The following ARL17B variants were observed in gnomAD, a reference collection of about 807,000 sequenced individuals.
The protein encoded by ARL17B is ARF like GTPase 17B.
chr17:46,283,667 G>A (rs528795571), intron 4 of ARL17B, among the ~76,000 whole-genome samples: 112 of 152,320 alleles, frequency 7.4e-4, no homozygotes, highest in African/African-American at 2.6e-3. Flanking sequence ...TAAGTGGAAC[G>A]AGAGACTTGG....
chr17:46,275,977 G>A (rs55705096), intron 4 of ARL17B, among the ~76,000 whole-genome samples: 18,484 of 151,494 alleles, frequency 0.12, 1 homozygote, highest in Non-Finnish European at 0.18. Context: ...TGCAACCTCT[G>A]CCTCCCAGAT....
At chr17:46,350,677 G>T (rs527344316) in intron 3 of ARL17B, among the ~76,000 whole-genome samples, 91 of 81,634 alleles carry the variant, frequency 1.1e-3, no homozygotes, top group Non-Finnish European at 1.9e-3. Context: ...ACCAGATTGG[G>T]CAACATGGTG....
downstream of ARL17B, chr17:46,332,528 T>G (rs767748519): frequency 1.4e-6 from 2 of 1,430,592 alleles, no homozygotes; most frequent in African/African-American, 3.1e-5. Flanking sequence ...ATTCTGGTTT[T>G]TTTTTGTGTG....
At position 46,276,415 on chromosome 17, in the gene ARL17B, G is replaced by T. The variant is rs1379159023; in HGVS notation, c.*22-997C>A. 3.9e-5 allele frequency among the ~76,000 whole-genome samples: 6 copies of T among 152,158 alleles called. No individual in the cohort carries two copies. The East Asian group carries it at 1.2e-3, about 29-fold the overall frequency. On this transcript the variant is annotated intron_variant, in intron 4 of 4. Transcript: ENST00000570618. The stretch of plus-strand genomic sequence containing the variant: ...ATTATATTAGCTAACCTGACTTTTT[G>T]GGGGGCAATTTTGGATTACGTAATC...
chr17:46,286,759 C>T (rs1234134790), intron 4 of ARL17B, among the ~76,000 whole-genome samples: 5 of 152,188 alleles, frequency 3.3e-5, no homozygotes, highest in African/African-American at 7.2e-5. Flanking sequence ...AATTTGGCTT[C>T]CTAAATTATT....
At chr17:46,282,454 AC>A (rs1215619279) in intron 4 of ARL17B, among the ~76,000 whole-genome samples, 1 of 143,006 alleles carries the variant, frequency 7.0e-6, no homozygotes, top group Non-Finnish European at 1.5e-5. Context: ...TTGCTGTGTC[AC>A]CCAGGCTGGG....
intron 4 of ARL17B, among the ~76,000 whole-genome samples, chr17:46,277,653 C>CT (rs1555610981): frequency 0.016 from 2,153 of 137,796 alleles, 44 homozygotes; most frequent in African/African-American, 0.043. Context: ...TTCTTTCTTT[C>CT]TTTTTTTTTT....
intron 4 of ARL17B, among the ~76,000 whole-genome samples, chr17:46,290,244 C>G (rs1305895992): frequency 6.6e-6 from 1 of 152,194 alleles, no homozygotes; most frequent in Admixed American, 6.5e-5. Context: ...GTCCCCTGGC[C>G]TCAGCCTCGC....
intron 4 of ARL17B, among the ~76,000 whole-genome samples, chr17:46,281,567 C>G (rs2049763693): frequency 6.6e-6 from 1 of 152,156 alleles, no homozygotes; most frequent in African/African-American, 2.4e-5. Flanking sequence ...GTAGCTAGGA[C>G]TACAGGTGCA....
chr17:46,291,399 G>T (rs1012503336), intron 4 of ARL17B, among the ~76,000 whole-genome samples: 2 of 152,002 alleles, frequency 1.3e-5, no homozygotes, highest in African/African-American at 4.8e-5. Flanking sequence ...AGGCCTTCTA[G>T]ACTCCAGATG....
intron 4 of ARL17B, among the ~76,000 whole-genome samples, chr17:46,284,086 C>T (rs889736932): frequency 2.0e-5 from 3 of 152,248 alleles, no homozygotes; most frequent in African/African-American, 7.2e-5. Context: ...GGGCAGGAGA[C>T]AGATGCCTTC....
At chr17:46,281,557 G>A (rs2049763154) in intron 4 of ARL17B, among the ~76,000 whole-genome samples, 1 of 152,162 alleles carries the variant, frequency 6.6e-6, no homozygotes, top group African/African-American at 2.4e-5. Flanking sequence ...AGCCTCCTGA[G>A]TAGCTAGGAC....
rs1353407351 is a variant in ARL17B, at chr17:46,288,202, C to G, written c.*21+11324G>C. 2.0e-5 allele frequency among the ~76,000 whole-genome samples: 3 copies of G among 152,076 alleles called. No individual in the cohort carries two copies. In the East Asian group the frequency reaches 5.8e-4, roughly 29 times the overall value. ...TATAACCCAGGCTGCAGGGCAGGGG[C>G]AGGATCACGGCCCCCTGCAGCCTGG... On this transcript the variant is annotated intron_variant, in intron 4 of 4. Coordinates refer to the ARL17B transcript ENST00000570618.
downstream of ARL17B, among the ~76,000 whole-genome samples, chr17:46,333,044 G>T (rs1378134757): frequency 1.5e-5 from 2 of 132,198 alleles, no homozygotes; most frequent in Non-Finnish European, 3.3e-5. Context: ...CCCTCACGGA[G>T]TTGTCATCAC....
intron 3 of ARL17B, among the ~76,000 whole-genome samples, chr17:46,340,406 G>A (rs1216846072): frequency 1.6e-5 from 1 of 63,904 alleles, no homozygotes; most frequent in African/African-American, 5.5e-5. Flanking sequence ...AGTAGAGATG[G>A]GGTTTCACCA....
chr17:46,288,706 CTTT>C (rs199591277), intron 4 of ARL17B, among the ~76,000 whole-genome samples: 4 of 139,040 alleles, frequency 2.9e-5, no homozygotes, highest in African/African-American at 2.7e-5. Flanking sequence ...CTTGTTTTTT[CTTT>C]TTTTTTTTTT....
At chr17:46,278,783 C>A (rs1182636433) in intron 4 of ARL17B, among the ~76,000 whole-genome samples, 1 of 150,432 alleles carries the variant, frequency 6.6e-6, no homozygotes, top group Non-Finnish European at 1.5e-5. Flanking sequence ...AAGTTGAAAA[C>A]CAATGTCATT....
chr17:46,289,883 G>C (rs1204774095), intron 4 of ARL17B, among the ~76,000 whole-genome samples: 1 of 152,228 alleles, frequency 6.6e-6, no homozygotes, highest in Non-Finnish European at 1.5e-5. Context: ...AGTTTGGGAG[G>C]CCGAGGGCGG....
intron 4 of ARL17B, among the ~76,000 whole-genome samples, chr17:46,290,644 G>A (rs1409586005): frequency 1.3e-5 from 2 of 152,042 alleles, no homozygotes; most frequent in African/African-American, 4.8e-5. Context: ...ACGGGGTTTC[G>A]CCCTGTTAGC....
Sources: gnomAD v4.1 joint callset for allele counts (sites outside exome capture counted in the v4.1 genomes callset) on GRCh38, gnomAD v4.1.1 for gene constraint, MANE v1.5 for transcripts, NCBI Gene and HGNC (gene_info 2026-07-23, HGNC 2026-07-21) for gene names.